GLS: variants seen among roughly 807,000 people sequenced by gnomAD.
The protein encoded by GLS is glutaminase, also known as glutaminase kidney isoform, mitochondrial.
GLS carries 36 observed loss-of-function variants against 86.7 expected under a neutral mutation model. The observed-to-expected ratio is 0.42, with a 90% CI of 0.32 to 0.55. The LOEUF (loss-of-function observed/expected upper bound fraction) is 0.55. Among genes scored for constraint, GLS ranks in the 20% least tolerant of loss-of-function variants. The pLI, the probability that GLS is intolerant of heterozygous loss-of-function variation, is 0.17. For synonymous variants in GLS, 317 were observed against 305.9 expected (o/e 1.04, Z -0.38); for missense variants, 528 against 833.4 (o/e 0.63, Z 4.51).
Position 190,962,891 on chromosome 2 carries a change from C to A in GLS, c.1915C>A (p.Leu639Ile). Residue 639 changes from leucine to isoleucine, a missense_variant, in exon 18 of 18, where the codon CTC becomes ATC. Around this residue, in one of 4 missense-constraint regions of GLS, gnomAD observed 30 missense variants for 36.9 expected, o/e 0.81. Coordinates refer to ENST00000320717, the MANE Select transcript of GLS (RefSeq NM_014905.5). The surrounding 1 kb of genome is among the most constrained non-coding windows in gnomAD (Gnocchi z 4.2). ...TGGACACCATGATGTATTTAAAATT[C>A]TCCAAGAATACCAAGTCCAGTACAC... ...HFGHHDVFKI[L>I]QEYQVQYTPQ... 1 of 1,600,970 alleles carries A rather than the reference C, an allele frequency of 6.2e-7. No individual in the cohort carries two copies. The highest frequency in any genetic ancestry group is 8.5e-7 in the Non-Finnish European group (1 of 1,175,162).
At chr2:190,961,073 G>A (rs1235104509) in intron 17 of GLS, among the ~76,000 whole-genome samples, 2 of 152,224 alleles carry the variant, frequency 1.3e-5, no homozygotes, top group African/African-American at 4.8e-5. Context: ...CTAGGAATGT[G>A]AAAGTAGATG....
At chr2:190,919,711 A>C in intron 7 of GLS, 2 of 726,272 alleles carry the variant, frequency 2.8e-6, no homozygotes, top group Non-Finnish European at 3.4e-6. Flanking sequence ...TTCATTGAAC[A>C]GCTTTGGAGT....
intron 14 of GLS, chr2:190,934,283 A>G: frequency 2.1e-6 from 2 of 959,498 alleles, no homozygotes; most frequent in Non-Finnish European, 2.5e-6. Context: ...AAATAAAGAT[A>G]GAAAATCTTG....
At chr2:190,911,686 CAAGTA>C (rs1456015750) in intron 7 of GLS, among the ~76,000 whole-genome samples, 4 of 151,882 alleles carry the variant, frequency 2.6e-5, no homozygotes, top group Non-Finnish European at 4.4e-5. Context: ...TAGATTTGAA[CAAGTA>C]ACTTAAAGTA....
At chr2:190,885,033 G>T (rs1405319755) in intron 1 of GLS, among the ~76,000 whole-genome samples, 1 of 152,072 alleles carries the variant, frequency 6.6e-6, no homozygotes, top group Non-Finnish European at 1.5e-5. Context: ...AAATAAGCAT[G>T]CTTTAAAATA....
chr2:190,911,878 G>A (rs975189987), intron 7 of GLS, among the ~76,000 whole-genome samples: 1 of 152,046 alleles, frequency 6.6e-6, no homozygotes, highest in South Asian at 2.1e-4. Flanking sequence ...ACTGAAGAGA[G>A]ATTAACATAC....
rs1690845223 is a variant in GLS, at chr2:190,955,716, A to G, written c.1853+898A>G. ...GAGGAATCACCACACTGTCTTCCAC[A>G]ATGGTTGAACTAATTTACACTCCCA... On this transcript the variant is annotated intron_variant, in intron 17 of 17. Coordinates refer to ENST00000320717, the MANE Select transcript of GLS (RefSeq NM_014905.5). The surrounding 1 kb of genome is among the most constrained non-coding windows in gnomAD (Gnocchi z 5.6). Among the ~76,000 whole-genome samples the G allele has an allele frequency of 6.6e-6, 1 of 152,190 alleles. No homozygotes were observed. The highest frequency in any genetic ancestry group is 2.1e-4 in the South Asian group (1 of 4,822).
intron 17 of GLS, among the ~76,000 whole-genome samples, chr2:190,958,346 CTATTT>C (rs1690911690): frequency 6.6e-6 from 1 of 151,998 alleles, no homozygotes; most frequent in African/African-American, 2.4e-5. Flanking sequence ...TGCTAGTGGT[CTATTT>C]TGTTGATGTT....
At chr2:190,934,018 T>C (rs879793609) in intron 14 of GLS, 5 of 968,296 alleles carry the variant, frequency 5.2e-6, no homozygotes, top group Non-Finnish European at 6.1e-6. Flanking sequence ...GTATTTATAG[T>C]TGTCTTGGCA....
At chr2:190,941,578 G>C (rs1371921987) in intron 14 of GLS, among the ~76,000 whole-genome samples, 1 of 151,634 alleles carries the variant, frequency 6.6e-6, no homozygotes, top group Non-Finnish European at 1.5e-5. Flanking sequence ...AACTTGTTTT[G>C]TCTGGGTGGT....
At chr2:190,887,870 G>C (rs1462863359) in intron 1 of GLS, among the ~76,000 whole-genome samples, 2 of 152,100 alleles carry the variant, frequency 1.3e-5, no homozygotes, top group Non-Finnish European at 2.9e-5. Context: ...AATGTTTGCA[G>C]GTACTTTTTA....
At chr2:190,898,229 A>G (rs1688814216) in intron 3 of GLS, among the ~76,000 whole-genome samples, 1 of 152,178 alleles carries the variant, frequency 6.6e-6, no homozygotes, top group African/African-American at 2.4e-5. Context: ...ACAAATGAAA[A>G]ATTATTTGTG....
Position 190,921,071 on chromosome 2 carries a change from T to G in GLS, c.1071+15T>G. 1 of 1,585,476 alleles carries G rather than the reference T, an allele frequency of 6.3e-7. No homozygotes were observed. The highest frequency in any genetic ancestry group is 8.7e-7 in the Non-Finnish European group (1 of 1,154,606). On this transcript the variant is annotated intron_variant, in intron 8 of 17. Coordinates refer to ENST00000320717, the MANE Select transcript of GLS (RefSeq NM_014905.5). The surrounding 1 kb of genome is among the most constrained non-coding windows in gnomAD (Gnocchi z 4.2). ...AATTTGACTATGTAAGTGCAACATG[T>G]CATTCAGTTTTCATGCCACATTCTC...
chr2:190,956,257 CTTATGT>C lies in GLS; in HGVS notation c.1853+1443_1853+1448del, dbSNP rs1362169680. 6.6e-6 allele frequency among the ~76,000 whole-genome samples: 1 copy of C among 152,022 alleles called. No homozygotes were observed. The highest frequency in any genetic ancestry group is 2.4e-5 in the African/African-American group (1 of 41,338). ...TTCTAGGGTTTTTATGGTTTTAGGT[CTTATGT>C]TTAAGTCTTTAATCCATCTTGAGTT... is the stretch of plus-strand genomic sequence containing the variant. On this transcript the variant is annotated intron_variant, in intron 17 of 17. Coordinates refer to ENST00000320717, the MANE Select transcript of GLS (RefSeq NM_014905.5). This position sits in a 1 kb window ranked among gnomAD's most constrained non-coding sequence, Gnocchi z 4.2.
At chr2:190,918,907 A>G (rs556546807) in intron 7 of GLS, among the ~76,000 whole-genome samples, 4 of 152,246 alleles carry the variant, frequency 2.6e-5, no homozygotes, top group South Asian at 2.1e-4. Flanking sequence ...CAGAACATAT[A>G]CAACATTTAT....
intron 7 of GLS, among the ~76,000 whole-genome samples, chr2:190,911,378 A>G (rs114578973): frequency 9.2e-5 from 14 of 152,214 alleles, no homozygotes; most frequent in Admixed American, 2.0e-4. Flanking sequence ...TTAAGAATCT[A>G]TATGTTTACT....
Position 190,924,001 on chromosome 2 carries a change from T to C in GLS, c.1197+18T>C, listed in dbSNP as rs1231326095. 2.5e-6 allele frequency: 3 copies of C among 1,192,204 alleles called. No homozygotes were observed. The highest frequency in any genetic ancestry group is 3.7e-6 in the Non-Finnish European group (3 of 813,592). The allele number at this position is 1,192,204 out of a possible 1,614,324, so 73.9% of individuals were successfully genotyped here. A position where few individuals can be genotyped will look rare whatever the true frequency, so the allele number is the denominator to read the frequency against. On this transcript the variant is annotated intron_variant, in intron 10 of 17. Transcript: ENST00000320717. The surrounding 1 kb of genome is among the most constrained non-coding windows in gnomAD (Gnocchi z 5.2). Reference sequence around the variant, plus strand: ...AAAAGAAGGTTTTTAAATTTTTGTTTCTATTTCAAATTATTCTTTCATTTA... The same window carrying C: ...AAAAGAAGGTTTTTAAATTTTTGTTCCTATTTCAAATTATTCTTTCATTTA...
chr2:190,936,942 G>A (rs940665060), intron 14 of GLS, among the ~76,000 whole-genome samples: 1 of 151,160 alleles, frequency 6.6e-6, no homozygotes, highest in Non-Finnish European at 1.5e-5. Context: ...AATACTTAAC[G>A]TGTGATTTCT....
rs57991546 is a variant in GLS, at chr2:190,953,950, A to ATGTGTGTGTG, written c.1712+361_1712+370dup. On this transcript the variant is annotated intron_variant, in intron 15 of 17. Coordinates refer to ENST00000320717, the MANE Select transcript of GLS (RefSeq NM_014905.5). The surrounding 1 kb of genome is among the most constrained non-coding windows in gnomAD (Gnocchi z 4.0). ...CTACCCTCCATTCCCAATCTTTGATATGTGTGTGTGTGTGTGTGTGTGTGT... is the reference window on the plus strand; with the variant it reads ...CTACCCTCCATTCCCAATCTTTGATATGTGTGTGTGTGTGTGTGTGTGTGTGTGTGTGTGT... 2.1e-3 allele frequency among the ~76,000 whole-genome samples: 285 copies of ATGTGTGTGTG among 136,758 alleles called. 1 individual carries two copies. The highest frequency in any genetic ancestry group is 9.4e-3 in the East Asian group (42 of 4,484). 89.7% of individuals were successfully genotyped at this position (136,758 alleles called of 152,430 possible). A position where few individuals can be genotyped will look rare whatever the true frequency, so the allele number is the denominator to read the frequency against.
Sources: allele counts gnomAD v4.1 joint callset (sites outside exome capture counted in the v4.1 genomes callset), GRCh38; gene constraint gnomAD v4.1.1; regional missense constraint gnomAD v4.1.1; non-coding constraint Gnocchi (gnomAD v3.1); transcripts MANE v1.5; gene names NCBI Gene and HGNC (gene_info 2026-07-23, HGNC 2026-07-21).